Variants in SLC16A10 observed in about 807,000 individuals in gnomAD.
The protein encoded by SLC16A10 is monocarboxylate transporter 10.
Under a neutral mutation model 40.0 loss-of-function variants are expected in SLC16A10, and 27 were observed. The observed-to-expected ratio is 0.67, with a 90% CI of 0.50 to 0.93. The LOEUF (loss-of-function observed/expected upper bound fraction) is 0.93. Ranked by LOEUF, SLC16A10 falls within the 40% of genes least tolerant of loss-of-function variation. The pLI is 0.00. For missense variants in SLC16A10, 529 were observed against 658.2 expected (o/e 0.80, Z 2.15); for synonymous variants, 213 against 249.8 (o/e 0.85, Z 1.39).
At chr6:111,199,041 C>G (rs1178262939) in intron 3 of SLC16A10, among the ~76,000 whole-genome samples, 4 of 152,238 alleles carry the variant, frequency 2.6e-5, no homozygotes, top group African/African-American at 9.6e-5. Flanking sequence ...CCCTCAGGAG[C>G]TGTCTTGATG....
rs1322884082 is a variant in SLC16A10, at chr6:111,225,095, AT to A, written c.*2861del. ...AACATTTTGGTTAAATTTTATTGCA[AT>A]GGATATTGCTGGGATCCATCCATTT... is the stretch of plus-strand genomic sequence containing the variant. On this transcript the variant is annotated 3_prime_UTR_variant, in exon 6 of 6. Transcript: ENST00000368851. The A allele has an allele frequency of 4.6e-5, 7 of 152,336 alleles. No individual in the cohort carries two copies. The highest frequency in any genetic ancestry group is 1.7e-4 in the African/African-American group (7 of 41,584). The allele number at this position is 152,336 out of a possible 1,614,324, so 9.4% of individuals were successfully genotyped here.
intron 1 of SLC16A10, among the ~76,000 whole-genome samples, chr6:111,164,785 A>C (rs1445498163): frequency 6.6e-6 from 1 of 152,160 alleles, no homozygotes; most frequent in African/African-American, 2.4e-5. Flanking sequence ...AAGCCAAAGA[A>C]GCAGTTTATA....
In SLC16A10 at chr6:111,087,802, C is replaced by G; in HGVS notation, c.50C>G (p.Ala17Gly). The G allele has an allele frequency of 7.8e-7, 1 of 1,279,226 alleles. No individual in the cohort carries two copies. Among genetic ancestry groups the G allele is most frequent in the Non-Finnish European group, 9.8e-7 (1 of 1,019,278 alleles). The allele number at this position is 1,279,226 out of a possible 1,614,324, so 79.2% of individuals were successfully genotyped here. The change falls in exon 1 of 6, where the codon GCG becomes GGG. Residue 17 changes from alanine (A) to glycine (G), a missense_variant. Physicochemically the swap from Ala to Gly is moderately conservative, Grantham distance 60. Coordinates refer to ENST00000368851, the MANE Select transcript of SLC16A10 (RefSeq NM_018593.5). Reference protein sequence around the residue: ...EPDSARGTSEAQPLGPAPTGA... With the variant: ...EPDSARGTSEGQPLGPAPTGA... ...GACTCCGCGCGGGGCACGAGCGAGG[C>G]GCAGCCGCTCGGCCCCGCGCCCACG...
intron 1 of SLC16A10, among the ~76,000 whole-genome samples, chr6:111,163,075 G>A (rs947044169): frequency 6.6e-6 from 1 of 151,560 alleles, no homozygotes; most frequent in African/African-American, 2.4e-5. Flanking sequence ...ATGTCTTTGG[G>A]TAATAACAGT....
intron 3 of SLC16A10, among the ~76,000 whole-genome samples, chr6:111,190,699 C>T: frequency 6.6e-6 from 1 of 152,214 alleles, no homozygotes; most frequent in East Asian, 1.9e-4. Flanking sequence ...CCTCTGAAGC[C>T]ATGGCCTGAG....
chr6:111,183,798 G>T (rs897611184), intron 3 of SLC16A10, among the ~76,000 whole-genome samples: 7 of 152,092 alleles, frequency 4.6e-5, no homozygotes, highest in African/African-American at 1.7e-4. Context: ...AGAAATTTCT[G>T]GTCCCTCAAG....
chr6:111,121,256 G>A lies in SLC16A10; in HGVS notation c.343+33161G>A, dbSNP rs139245442. On this transcript the variant is annotated intron_variant, in intron 1 of 5. Transcript: ENST00000368851. Reference sequence around the variant, plus strand: ...CCTGGATTAGTCCAGTTCATTGGCAGCAGCATTATCCAGATTTTATTGTGG... The same window carrying A: ...CCTGGATTAGTCCAGTTCATTGGCAACAGCATTATCCAGATTTTATTGTGG... Among the ~76,000 whole-genome samples the A allele has an allele frequency of 4.6e-5, 7 of 152,314 alleles. No homozygotes were observed. The South Asian group carries it at 8.3e-4, about 18-fold the overall frequency.
chr6:111,173,225 G>A (rs1426516008), intron 2 of SLC16A10, among the ~76,000 whole-genome samples: 1 of 152,000 alleles, frequency 6.6e-6, no homozygotes, highest in East Asian at 1.9e-4. Flanking sequence ...TACAATAAGT[G>A]GTGTTTTAAA....
intron 1 of SLC16A10, among the ~76,000 whole-genome samples, chr6:111,111,985 T>C (rs1054576915): frequency 6.6e-6 from 1 of 151,752 alleles, no homozygotes; most frequent in Non-Finnish European, 1.5e-5. Context: ...TGTGTATAGA[T>C]GTGTGTGTGT....
chr6:111,161,210 G>A (rs1312062327), intron 1 of SLC16A10, among the ~76,000 whole-genome samples: 7 of 109,562 alleles, frequency 6.4e-5, no homozygotes, highest in Admixed American at 5.1e-4. Context: ...CTGACATAGC[G>A]AGACAGTGTC....
At chr6:111,088,472 G>T (rs1562392659) in intron 1 of SLC16A10, among the ~76,000 whole-genome samples, 1 of 152,122 alleles carries the variant, frequency 6.6e-6, no homozygotes, top group Non-Finnish European at 1.5e-5. Flanking sequence ...CATTTTTGTG[G>T]TCTCTTTCGT....
At chr6:111,139,796 G>T (rs1258078749) in intron 1 of SLC16A10, among the ~76,000 whole-genome samples, 6 of 152,206 alleles carry the variant, frequency 3.9e-5, no homozygotes, top group African/African-American at 1.4e-4. Flanking sequence ...TCAGTAATAG[G>T]ATTGCTGGAT....
At chr6:111,192,303 C>G (rs1031863489) in intron 3 of SLC16A10, among the ~76,000 whole-genome samples, 2 of 152,168 alleles carry the variant, frequency 1.3e-5, no homozygotes, top group African/African-American at 2.4e-5. Context: ...TGCCACCAGT[C>G]TCTTTGTATA....
chr6:111,097,098 AG>A (rs1313507438), intron 1 of SLC16A10, among the ~76,000 whole-genome samples: 1 of 152,162 alleles, frequency 6.6e-6, no homozygotes, highest in Non-Finnish European at 1.5e-5. Flanking sequence ...TTGGGATTAC[AG>A]GTTTGAGCCA....
At chr6:111,213,540 A>G (rs1314446136) in intron 4 of SLC16A10, among the ~76,000 whole-genome samples, 1 of 152,226 alleles carries the variant, frequency 6.6e-6, no homozygotes, top group East Asian at 1.9e-4. Context: ...TCTTGGGATG[A>G]GGGTATATAC....
intron 1 of SLC16A10, among the ~76,000 whole-genome samples, chr6:111,103,116 G>C (rs1284627031): frequency 6.6e-6 from 1 of 152,012 alleles, no homozygotes; most frequent in East Asian, 1.9e-4. Context: ...ACATTGCCCA[G>C]GCTGGTCTCA....
At chr6:111,219,906 C>A (rs1562437704) in intron 5 of SLC16A10, among the ~76,000 whole-genome samples, 1 of 152,076 alleles carries the variant, frequency 6.6e-6, no homozygotes, top group Non-Finnish European at 1.5e-5. Flanking sequence ...ATAGCAAGAC[C>A]TTGTCTCTAC....
chr6:111,202,446 C>G (rs1773183216), intron 3 of SLC16A10, among the ~76,000 whole-genome samples: 1 of 152,048 alleles, frequency 6.6e-6, no homozygotes, highest in South Asian at 2.1e-4. Flanking sequence ...CCAGTGCACT[C>G]AAGCCTGGGC....
intron 1 of SLC16A10, among the ~76,000 whole-genome samples, chr6:111,127,882 A>G (rs1246886536): frequency 6.6e-6 from 1 of 152,114 alleles, no homozygotes; most frequent in Non-Finnish European, 1.5e-5. Context: ...TTAGGAGAAA[A>G]AGCAAAATCC....
Sources: allele counts gnomAD v4.1 joint callset (sites outside exome capture counted in the v4.1 genomes callset), GRCh38; gene constraint gnomAD v4.1.1; transcripts MANE v1.5; gene names NCBI Gene and HGNC (gene_info 2026-07-23, HGNC 2026-07-21).